Variants in ATXN2 observed in about 807,000 individuals in gnomAD.
The protein encoded by ATXN2 is ataxin 2.
A neutral mutation model predicts 138.6 loss-of-function variants in ATXN2; 37 were observed. The ratio of observed to expected loss-of-function variants is 0.27; its 90% CI spans 0.21 to 0.35. The LOEUF (loss-of-function observed/expected upper bound fraction) is 0.35, where lower values mean the gene tolerates loss of function less well. ATXN2 is among the 10% of genes least tolerant of loss of function. The probability of loss-of-function intolerance (pLI) is 1.00; values close to 1 mark genes in which losing one functional copy is unlikely to be tolerated. For missense variants in ATXN2, 1,216 were observed against 1,480.3 expected (o/e 0.82, Z 2.93); for synonymous variants, 549 against 543.7 (o/e 1.01, Z -0.13).
chr12:111,574,593 A>G (rs1883531922), intron 1 of ATXN2, among the ~76,000 whole-genome samples: 2 of 151,700 alleles, frequency 1.3e-5, no homozygotes, highest in African/African-American at 2.4e-5. Flanking sequence ...ATGCCCAGCT[A>G]ATTTATTTTT....
At chr12:111,587,155 G>C (rs1884392968) in intron 1 of ATXN2, among the ~76,000 whole-genome samples, 1 of 150,326 alleles carries the variant, frequency 6.7e-6, no homozygotes. Flanking sequence ...TTCAATTCCT[G>C]ATTTCGAAAT....
chr12:111,470,039 G>GT (rs1438867128), intron 20 of ATXN2, 69 bp downstream of exon 20: 19 of 1,493,478 alleles, frequency 1.3e-5, no homozygotes, highest in Non-Finnish European at 1.5e-5. Context: ...CTTAGATAGA[G>GT]TATGTTTTCA....
At chr12:111,583,522 T>C (rs371855103) in intron 1 of ATXN2, among the ~76,000 whole-genome samples, 1 of 151,854 alleles carries the variant, frequency 6.6e-6, no homozygotes, top group Non-Finnish European at 1.5e-5. Flanking sequence ...TCCCAGCACG[T>C]TGGGAGGCCC....
chr12:111,553,572 C>CA (rs757837884), intron 3 of ATXN2, among the ~76,000 whole-genome samples: 4,387 of 48,510 alleles, frequency 0.09, 83 homozygotes, highest in Non-Finnish European at 0.13. Context: ...TCTTTTTTCT[C>CA]AAAAAAAAAA....
In ATXN2 at chr12:111,464,645, TA is replaced by T. The variant is rs1875863682; in HGVS notation, c.2896+16del. 1 of 1,592,316 alleles carries T rather than the reference TA, an allele frequency of 6.3e-7. No homozygotes were observed. Among genetic ancestry groups the T allele is most frequent in the East Asian group, 2.2e-5 (1 of 44,688 alleles). ...TTTACTGTACAATTAAAAATTAGTA[TA>T]AAAAACCCAACTCACTGGCAAAGTA... On this transcript the variant is annotated intron_variant, in intron 21 of 24. Coordinates refer to ENST00000673436, the MANE Select transcript of ATXN2 (RefSeq NM_001372574.1).
At chr12:111,579,822 C>G (rs557900508) in intron 1 of ATXN2, among the ~76,000 whole-genome samples, 168 of 151,896 alleles carry the variant, frequency 1.1e-3, no homozygotes, top group South Asian at 2.3e-3. Flanking sequence ...TCTCAGCCCC[C>G]CCGAGTAGCT....
chr12:111,597,198 G>GC (rs35393174), intron 1 of ATXN2, among the ~76,000 whole-genome samples: 1 of 152,096 alleles, frequency 6.6e-6, no homozygotes, highest in African/African-American at 2.4e-5. Context: ...GACTGTTTCC[G>GC]CCCCCTTTGA....
At chr12:111,560,769 G>A (rs555269037) in intron 1 of ATXN2, among the ~76,000 whole-genome samples, 3 of 151,072 alleles carry the variant, frequency 2.0e-5, no homozygotes, top group African/African-American at 7.3e-5. Context: ...AAAAAAAAAC[G>A]ACAAGCTAAG....
rs767638442 is a variant in ATXN2, at chr12:111,515,393, TTACCTTTC to T, written c.1375+753_1375+760del. Among the ~76,000 whole-genome samples, 75 of 152,332 alleles carry T rather than the reference TTACCTTTC, an allele frequency of 4.9e-4. No individual in the cohort carries two copies. In the Middle Eastern group the frequency reaches 0.027, roughly 55 times the overall value. On this transcript the variant is annotated intron_variant, in intron 10 of 24. Coordinates refer to ENST00000673436, the MANE Select transcript of ATXN2 (RefSeq NM_001372574.1). ...TATGGGTGGCATTTAAATTAGAATG[TTACCTTTC>T]TACAACATATCCCTGTATTTGATAT...
At chr12:111,581,008 G>A (rs1883966953) in intron 1 of ATXN2, among the ~76,000 whole-genome samples, 2 of 151,736 alleles carry the variant, frequency 1.3e-5, no homozygotes. Context: ...TGTGGTGGCA[G>A]GTGCCTGTAG....
At chr12:111,494,223 C>T (rs1878256838) in intron 14 of ATXN2, among the ~76,000 whole-genome samples, 1 of 152,094 alleles carries the variant, frequency 6.6e-6, no homozygotes, top group African/African-American at 2.4e-5. Flanking sequence ...AACCACTGCG[C>T]CTGGCTTATA....
chr12:111,469,945 G>C (rs1876286463), intron 20 of ATXN2, 163 bp downstream of exon 20: 1 of 815,958 alleles, frequency 1.2e-6, no homozygotes, highest in Admixed American at 3.2e-5. Flanking sequence ...TTTGCCAAAA[G>C]TTATAAAGCA....
intron 18 of ATXN2, among the ~76,000 whole-genome samples, chr12:111,472,304 G>C (rs997132107): frequency 2.0e-5 from 3 of 152,090 alleles, no homozygotes; most frequent in African/African-American, 7.2e-5. Context: ...GGGAAGAAAA[G>C]AAACCAAGCC....
At chr12:111,484,712 A>G (rs1438641011) in intron 18 of ATXN2, among the ~76,000 whole-genome samples, 1 of 151,214 alleles carries the variant, frequency 6.6e-6, no homozygotes, top group East Asian at 2.0e-4. Flanking sequence ...CTGGGATTAC[A>G]GGCATAAGCC....
At chr12:111,535,620 T>C (rs1018420210) in intron 5 of ATXN2, among the ~76,000 whole-genome samples, 13 of 150,878 alleles carry the variant, frequency 8.6e-5, no homozygotes, top group African/African-American at 2.7e-4. Context: ...AGACTCCAAC[T>C]CAAAAACAAA....
chr12:111,531,598 T>C (rs767289789), intron 5 of ATXN2, among the ~76,000 whole-genome samples: 1 of 152,098 alleles, frequency 6.6e-6, no homozygotes, highest in Non-Finnish European at 1.5e-5. Context: ...TACTACACCA[T>C]GTATTATACA....
chr12:111,598,957 C>CTGCTGCTGCTGCTGCTGCTGT lies in ATXN2; in HGVS notation c.57_77dup (p.Gln22_Gln28dup), dbSNP rs781342951. ...TGGCAGCCGCGGGCGGCGGCTGCTG[C>CTGCTGCTGCTGCTGCTGCTGT]TGCTGCTGCTGCTGCTGCTGTTGCT... On this transcript the variant is annotated inframe_insertion, in exon 1 of 25. Coordinates refer to ENST00000673436, the MANE Select transcript of ATXN2 (RefSeq NM_001372574.1). The surrounding 1 kb of genome is among the most constrained non-coding windows in gnomAD (Gnocchi z 4.5). The CTGCTGCTGCTGCTGCTGCTGT allele has an allele frequency of 3.4e-6, 5 of 1,480,240 alleles. No individual in the cohort carries two copies. Among genetic ancestry groups the CTGCTGCTGCTGCTGCTGCTGT allele is most frequent in the Admixed American group, 2.1e-5 (1 of 48,098 alleles). 91.7% of individuals were successfully genotyped at this position (1,480,240 alleles called of 1,614,324 possible). A position where few individuals can be genotyped will look rare whatever the true frequency, so the allele number is the denominator to read the frequency against.
chr12:111,581,412 C>A, intron 1 of ATXN2: 1 of 724,980 alleles, frequency 1.4e-6, no homozygotes, highest in Non-Finnish European at 2.6e-6. Flanking sequence ...TTCACTCCTG[C>A]CAACATCGGC....
chr12:111,460,166 C>T (rs2135657017), intron 21 of ATXN2, among the ~76,000 whole-genome samples: 1 of 152,368 alleles, frequency 6.6e-6, no homozygotes, highest in South Asian at 2.1e-4. Context: ...ACCGCAACCT[C>T]TGCCTCCCGG....
Sources: gnomAD v4.1 joint callset for allele counts (sites outside exome capture counted in the v4.1 genomes callset) on GRCh38, gnomAD v4.1.1 for gene constraint, Gnocchi (gnomAD v3.1) non-coding constraint, MANE v1.5 for transcripts, NCBI Gene and HGNC (gene_info 2026-07-23, HGNC 2026-07-21) for gene names.